Variants in SFMBT2 observed in about 807,000 individuals in gnomAD.
SFMBT2 encodes the protein scm-like with four MBT domains protein 2.
A neutral mutation model predicts 110.1 loss-of-function variants in SFMBT2; 38 were observed. That is an observed-to-expected ratio of 0.35 (90% CI 0.27 to 0.45). The LOEUF (loss-of-function observed/expected upper bound fraction) is 0.45, where lower values mean the gene tolerates loss of function less well. SFMBT2 is among the 20% of genes least tolerant of loss of function. The pLI is 1.00. For synonymous variants in SFMBT2, 425 were observed against 425.4 expected (o/e 1.00, Z 0.01); for missense variants, 1,011 against 1,094.9 (o/e 0.92, Z 1.08).
At chr10:7,304,009 T>C (rs1332152022) in intron 4 of SFMBT2, among the ~76,000 whole-genome samples, 1 of 152,160 alleles carries the variant, frequency 6.6e-6, no homozygotes, top group Non-Finnish European at 1.5e-5. Flanking sequence ...GAGCCCACGA[T>C]AAATGAAGTG....
chr10:7,209,617 G>T (rs1839268930), intron 11 of SFMBT2, among the ~76,000 whole-genome samples: 1 of 152,218 alleles, frequency 6.6e-6, no homozygotes, highest in South Asian at 2.1e-4. Flanking sequence ...AAAAGGCAGG[G>T]TGCAGAACAC....
intron 4 of SFMBT2, among the ~76,000 whole-genome samples, chr10:7,349,284 A>G (rs1382423366): frequency 6.6e-6 from 1 of 151,882 alleles, no homozygotes. Flanking sequence ...AGACTGCCCA[A>G]CTCTACAGCC....
chr10:7,347,108 C>G (rs1366564813), intron 4 of SFMBT2, among the ~76,000 whole-genome samples: 2 of 152,176 alleles, frequency 1.3e-5, no homozygotes, highest in African/African-American at 4.8e-5. Context: ...GTAGGAAAAG[C>G]AGCCTCCCCA....
intron 1 of SFMBT2, among the ~76,000 whole-genome samples, chr10:7,404,005 A>G (rs1846148845): frequency 6.6e-6 from 1 of 152,192 alleles, no homozygotes; most frequent in African/African-American, 2.4e-5. Context: ...GAGGTAATGG[A>G]TCCCAACGAC....
At chr10:7,405,607 A>G (rs1309020615) in intron 1 of SFMBT2, among the ~76,000 whole-genome samples, 6 of 152,188 alleles carry the variant, frequency 3.9e-5, no homozygotes, top group Non-Finnish European at 8.8e-5. Context: ...TTAGGGGAAC[A>G]TGAGTATGAA....
At chr10:7,265,744 T>C (rs1841365807) in intron 7 of SFMBT2, among the ~76,000 whole-genome samples, 1 of 152,196 alleles carries the variant, frequency 6.6e-6, no homozygotes, top group South Asian at 2.1e-4. Flanking sequence ...ATTTAAGTTA[T>C]AGTGATGACC....
At chr10:7,383,220 G>C (rs1004960362) in intron 1 of SFMBT2, among the ~76,000 whole-genome samples, 3 of 152,152 alleles carry the variant, frequency 2.0e-5, no homozygotes, top group Non-Finnish European at 4.4e-5. Flanking sequence ...TTCATGCCAG[G>C]TGCAGTGGGT....
chr10:7,351,658 C>A (rs1238432576), intron 4 of SFMBT2, among the ~76,000 whole-genome samples: 1 of 152,090 alleles, frequency 6.6e-6, no homozygotes, highest in Non-Finnish European at 1.5e-5. Flanking sequence ...ATAGCACAGG[C>A]AAGTATGATC....
chr10:7,410,960 G>C lies in SFMBT2; in HGVS notation c.-151C>G, dbSNP rs1298365812. ...CTTGCTCGCTCGCCCGCCCTTGCCC[G>C]CTCGCTCCCCGCCCGCCGCCTCCCT... On this transcript the variant is annotated 5_prime_UTR_variant, in exon 1 of 21. Coordinates refer to ENST00000397167, the MANE Select transcript of SFMBT2 (RefSeq NM_001387889.1). Among the ~76,000 whole-genome samples the C allele has an allele frequency of 2.7e-5, 4 of 150,448 alleles. No individual in the cohort carries two copies. In the East Asian group the frequency reaches 7.9e-4, roughly 30 times the overall value.
Position 7,183,153 on chromosome 10 carries a change from G to A in SFMBT2, c.1808+5471C>T, listed in dbSNP as rs61835061. On this transcript the variant is annotated intron_variant, in intron 16 of 20. Transcript: ENST00000397167. Reference sequence around the variant, plus strand: ...TAGAAGCAACAAGCAAAAGATTACTGAGTTGGAACTAAGGAATAGCAAAGA... The same window carrying A: ...TAGAAGCAACAAGCAAAAGATTACTAAGTTGGAACTAAGGAATAGCAAAGA... Among the ~76,000 whole-genome samples the A allele has an allele frequency of 5.2e-3, 789 of 152,302 alleles. 3 individuals carry two copies. Among genetic ancestry groups the A allele is most frequent in the Non-Finnish European group, 7.2e-3 (487 of 68,034 alleles).
intron 4 of SFMBT2, among the ~76,000 whole-genome samples, chr10:7,340,939 C>T (rs1843882393): frequency 6.6e-6 from 1 of 152,030 alleles, no homozygotes; most frequent in South Asian, 2.1e-4. Context: ...TTAACAATCA[C>T]TCCAGCTGAA....
intron 4 of SFMBT2, among the ~76,000 whole-genome samples, chr10:7,352,012 A>ATGAAGTCGCTTTTTTC (rs1377411672): frequency 1.3e-5 from 2 of 152,074 alleles, no homozygotes; most frequent in East Asian, 3.9e-4. Flanking sequence ...ATGCAAGCAG[A>ATGAAGTCGCTTTTTTC]TGAAGTCGCT....
At chr10:7,188,071 C>T (rs1205668672) in intron 16 of SFMBT2, among the ~76,000 whole-genome samples, 1 of 152,140 alleles carries the variant, frequency 6.6e-6, no homozygotes, top group East Asian at 1.9e-4. Flanking sequence ...CTAAAGAAAG[C>T]AAAAATGTCA....
chr10:7,258,596 A>C (rs1007483166), intron 7 of SFMBT2, among the ~76,000 whole-genome samples: 9 of 152,252 alleles, frequency 5.9e-5, no homozygotes, highest in Non-Finnish European at 8.8e-5. Flanking sequence ...GGAAGGTTTT[A>C]GTTAGTATTA....
rs1837572869 is a variant in SFMBT2, at chr10:7,162,396, G to T, written c.*1374C>A. 2 of 152,302 alleles carry T rather than the reference G, an allele frequency of 1.3e-5. No homozygotes were observed. The highest frequency in any genetic ancestry group is 4.8e-5 in the African/African-American group (2 of 41,456). 9.4% of individuals were successfully genotyped at this position (152,302 alleles called of 1,614,324 possible). On this transcript the variant is annotated 3_prime_UTR_variant, in exon 21 of 21. Coordinates refer to ENST00000397167, the MANE Select transcript of SFMBT2 (RefSeq NM_001387889.1). ...ACACCTGTCACTTCACAGGAATGGAGGTCCAGAGTGATGAGAAGTCACCCA... is the reference window on the plus strand; with the variant it reads ...ACACCTGTCACTTCACAGGAATGGATGTCCAGAGTGATGAGAAGTCACCCA...
rs1046206414 is a variant in SFMBT2, at chr10:7,301,688, C to T, written c.437-15734G>A. Among the ~76,000 whole-genome samples, 2 of 152,136 alleles carry T rather than the reference C, an allele frequency of 1.3e-5. No homozygotes were observed. The highest frequency in any genetic ancestry group is 2.4e-5 in the African/African-American group (1 of 41,424). On this transcript the variant is annotated intron_variant, in intron 4 of 20. Transcript: ENST00000397167. The surrounding 1 kb of genome is among the most constrained non-coding windows in gnomAD (Gnocchi z 4.2). ...AGTTGGGCCATTTACTATTCTGAAACGCAGAAACTGGTATTTCTTGACATG... is the reference window on the plus strand; with the variant it reads ...AGTTGGGCCATTTACTATTCTGAAATGCAGAAACTGGTATTTCTTGACATG...
chr10:7,312,094 G>A (rs1330523893), intron 4 of SFMBT2, among the ~76,000 whole-genome samples: 1 of 152,154 alleles, frequency 6.6e-6, no homozygotes, highest in African/African-American at 2.4e-5. Flanking sequence ...GGGGGAGGGA[G>A]GAGGGATAGC....
intron 4 of SFMBT2, among the ~76,000 whole-genome samples, chr10:7,354,347 G>A (rs747214384): frequency 3.3e-5 from 5 of 152,118 alleles, no homozygotes; most frequent in Non-Finnish European, 5.9e-5. Context: ...AAAATAACAC[G>A]AATAACGTGG....
chr10:7,315,114 G>GAA (rs1564435713), intron 4 of SFMBT2, among the ~76,000 whole-genome samples: 1,663 of 115,098 alleles, frequency 0.014, 16 homozygotes, highest in Admixed American at 0.022. Flanking sequence ...GAAAGAAAAA[G>GAA]CAAGCAAGCA....
Sources: allele counts gnomAD v4.1 joint callset (sites outside exome capture counted in the v4.1 genomes callset), GRCh38; gene constraint gnomAD v4.1.1; non-coding constraint Gnocchi (gnomAD v3.1); transcripts MANE v1.5; gene names NCBI Gene and HGNC (gene_info 2026-07-23, HGNC 2026-07-21).